MYO1B: variants seen among roughly 807,000 people sequenced by gnomAD.
The protein encoded by MYO1B is myosin IB.
A neutral mutation model predicts 159.7 loss-of-function variants in MYO1B; 72 were observed. The observed-to-expected ratio is 0.45, with a 90% CI of 0.37 to 0.55. The LOEUF is 0.55. Among genes scored for constraint, MYO1B ranks in the 20% least tolerant of loss-of-function variants. The probability of loss-of-function intolerance (pLI) is 0.00; values close to 1 mark genes in which losing one functional copy is unlikely to be tolerated. For missense variants in MYO1B, 1,062 were observed against 1,364.8 expected (o/e 0.78, Z 3.50); for synonymous variants, 468 against 473.8 (o/e 0.99, Z 0.16).
intron 26 of MYO1B, among the ~76,000 whole-genome samples, chr2:191,410,432 C>T (rs1697186189): frequency 6.6e-6 from 1 of 152,218 alleles, no homozygotes; most frequent in Non-Finnish European, 1.5e-5. Flanking sequence ...TGTCTCCTCT[C>T]ATTGCAGCTT....
intron 26 of MYO1B, 111 bp from the exon 27 acceptor site, chr2:191,410,955 G>A (rs182100898): frequency 1.6e-6 from 1 of 628,212 alleles, no homozygotes; most frequent in East Asian, 3.1e-5. Context: ...TGAATGTTTT[G>A]TACTTTCTCC....
rs776700910 is a variant in MYO1B at position 191,390,433 on chromosome 2, C to T, written c.1923C>T (p.Cys641=). 6.2e-7 allele frequency: 1 copy of T among 1,614,162 alleles called. No homozygotes were observed. Among genetic ancestry groups the T allele is most frequent in the Non-Finnish European group, 8.5e-7 (1 of 1,180,026 alleles). The change falls in exon 18 of 31, where the codon TGC becomes TGT. Residue 641 remains cysteine (C), a synonymous_variant. Coordinates refer to ENST00000392318, the MANE Select transcript of MYO1B (RefSeq NM_001130158.3). ...GYAFRQAYEP[C]LERYKMLCKQ... ...CCTTCAGGCAGGCCTATGAACCTTG[C>T]CTAGAAAGATACAAAATGCTTTGTA...
intron 9 of MYO1B, 125 bp from the exon 10 acceptor site, chr2:191,363,595 GAAACCACT>G (rs2126017649): frequency 1.6e-6 from 2 of 1,229,148 alleles, no homozygotes; most frequent in Admixed American, 3.0e-5. Context: ...ATCACAGTTG[GAAACCACT>G]GAAGATATAG....
At chr2:191,417,376 A>T (rs1697642750) in intron 30 of MYO1B, among the ~76,000 whole-genome samples, 1 of 152,220 alleles carries the variant, frequency 6.6e-6, no homozygotes, top group African/African-American at 2.4e-5. Context: ...GGAAAAAAAT[A>T]ATGGTTGGTG....
chr2:191,256,119 G>A (rs1238293118), intron 1 of MYO1B, among the ~76,000 whole-genome samples: 2 of 152,314 alleles, frequency 1.3e-5, no homozygotes, highest in East Asian at 3.9e-4. Flanking sequence ...GGTCATTGAA[G>A]CATTGCTCTG....
Position 191,329,948 on chromosome 2 carries a change from G to A in MYO1B, c.265G>A (p.Asp89Asn). 6.2e-7 allele frequency: 1 copy of A among 1,610,556 alleles called. No individual in the cohort carries two copies. The highest frequency in any genetic ancestry group is 8.5e-7 in the Non-Finnish European group (1 of 1,178,120). The stretch of plus-strand genomic sequence containing the variant: ...TATCCCCTGCAGCTTTGCCCTTTCG[G>A]ATGAAGCATACAGATCCCTACGAGA... ...ELSPHIFALS[D>N]EAYRSLRDQD... The change falls in exon 4 of 31, where the codon GAT (aspartate) becomes AAT (asparagine). Residue 89 changes from aspartate (D) to asparagine (N), a missense_variant. This residue lies in a region of MYO1B where 415 missense variants were observed against 544.0 expected (regional missense o/e 0.76). Coordinates refer to ENST00000392318, the MANE Select transcript of MYO1B (RefSeq NM_001130158.3).
intron 2 of MYO1B, among the ~76,000 whole-genome samples, chr2:191,292,655 C>G (rs990568839): frequency 6.6e-6 from 1 of 150,478 alleles, no homozygotes. Flanking sequence ...GAGGCATGTT[C>G]GACCCCCACT....
At chr2:191,262,822 C>T (rs1225595172) in intron 1 of MYO1B, among the ~76,000 whole-genome samples, 1 of 152,198 alleles carries the variant, frequency 6.6e-6, no homozygotes, top group Non-Finnish European at 1.5e-5. Flanking sequence ...TTAATCACAT[C>T]CAACTCACCT....
In MYO1B at chr2:191,424,950, A is replaced by G. The variant is rs528453687; in HGVS notation, c.*990A>G. The G allele has an allele frequency of 2.0e-5, 3 of 152,704 alleles. No individual in the cohort carries two copies. In the South Asian group the frequency reaches 6.2e-4, roughly 32 times the overall value. 9.5% of individuals were successfully genotyped at this position (152,704 alleles called of 1,614,324 possible). A position where few individuals can be genotyped will look rare whatever the true frequency, so the allele number is the denominator to read the frequency against. ...TTTTATTTATAATATACATTTTTGT[A>G]TGAGAAAGGTGATTGGTACAGGGTG... On this transcript the variant is annotated 3_prime_UTR_variant, in exon 31 of 31. Coordinates refer to ENST00000392318, the MANE Select transcript of MYO1B (RefSeq NM_001130158.3).
intron 1 of MYO1B, among the ~76,000 whole-genome samples, chr2:191,264,037 G>C (rs1686974180): frequency 6.6e-6 from 1 of 152,108 alleles, no homozygotes; most frequent in South Asian, 2.1e-4. Flanking sequence ...TGGTGCCTTT[G>C]ATTTTAAAAG....
chr2:191,246,370 A>T (rs1685794512), intron 1 of MYO1B: 1 of 152,180 alleles, frequency 6.6e-6, no homozygotes, highest in Admixed American at 6.6e-5. Flanking sequence ...CTGGAGAGGT[A>T]ACTACAAACA....
intron 2 of MYO1B, among the ~76,000 whole-genome samples, chr2:191,277,659 T>C (rs1288087212): frequency 6.6e-6 from 1 of 152,300 alleles, no homozygotes; most frequent in East Asian, 1.9e-4. Context: ...TTTAAAAACA[T>C]GAATAAAAAA....
At chr2:191,299,989 C>G (rs1689211472) in intron 3 of MYO1B, among the ~76,000 whole-genome samples, 1 of 152,114 alleles carries the variant, frequency 6.6e-6, no homozygotes, top group Non-Finnish European at 1.5e-5. Flanking sequence ...GACACATTTC[C>G]AACATTCTCA....
intron 13 of MYO1B, among the ~76,000 whole-genome samples, chr2:191,372,950 G>A (rs529775457): frequency 7.7e-6 from 1 of 129,834 alleles, no homozygotes; most frequent in East Asian, 2.5e-4. Flanking sequence ...GCAGTGGTGC[G>A]ATCTCGGCTC....
At chr2:191,293,232 CTATCTT>C (rs907868255) in intron 2 of MYO1B, among the ~76,000 whole-genome samples, 12 of 152,320 alleles carry the variant, frequency 7.9e-5, no homozygotes, top group South Asian at 2.1e-4. Context: ...GAAAAAAACT[CTATCTT>C]TAAAGTAACA....
At chr2:191,405,700 T>A (rs962482801) in intron 24 of MYO1B, among the ~76,000 whole-genome samples, 5 of 152,246 alleles carry the variant, frequency 3.3e-5, no homozygotes. Flanking sequence ...GAAAGTTCTC[T>A]CTTTTCTGAG....
At chr2:191,370,566 C>T (rs750383791) in intron 13 of MYO1B, among the ~76,000 whole-genome samples, 3 of 151,960 alleles carry the variant, frequency 2.0e-5, no homozygotes, top group Non-Finnish European at 2.9e-5. Flanking sequence ...GGAGACAGTA[C>T]TGCTTAAAAA....
At chr2:191,397,814 G>GT (rs1696234003) in intron 21 of MYO1B, among the ~76,000 whole-genome samples, 1 of 145,210 alleles carries the variant, frequency 6.9e-6, no homozygotes, top group Non-Finnish European at 1.5e-5. Flanking sequence ...GTCTGGCCGG[G>GT]CGGGGGGCTG....
chr2:191,288,022 C>G (rs1688481408), intron 2 of MYO1B, among the ~76,000 whole-genome samples: 1 of 152,064 alleles, frequency 6.6e-6, no homozygotes, highest in Non-Finnish European at 1.5e-5. Flanking sequence ...AATCTGTATT[C>G]TAGCATGTGT....
Sources: allele counts gnomAD v4.1 joint callset (sites outside exome capture counted in the v4.1 genomes callset), GRCh38; gene constraint gnomAD v4.1.1; regional missense constraint gnomAD v4.1.1; transcripts MANE v1.5; gene names NCBI Gene and HGNC (gene_info 2026-07-23, HGNC 2026-07-21).